ARHGAP6: variants seen among roughly 807,000 people sequenced by gnomAD.
ARHGAP6 encodes rho GTPase-activating protein 6.
Under a neutral mutation model 55.7 loss-of-function variants are expected in ARHGAP6, and 16 were observed. The observed-to-expected ratio is 0.29, with a 90% CI of 0.19 to 0.44. ARHGAP6 has a LOEUF of 0.44. Ranked by LOEUF, ARHGAP6 falls within the 20% of genes least tolerant of loss-of-function variation. The pLI, the probability that ARHGAP6 is intolerant of heterozygous loss-of-function variation, is 1.00. For synonymous variants in ARHGAP6, 382 were observed against 360.9 expected (o/e 1.06, Z -0.66); for missense variants, 698 against 808.9 (o/e 0.86, Z 1.66).
rs201875323 is a variant in ARHGAP6 at position 11,411,183 on chromosome X, T to TTATATATATATATATATA, written c.589-156494_589-156477dup. Among the ~76,000 whole-genome samples, 102 of 31,767 alleles carry TTATATATATATATATATA rather than the reference T, an allele frequency of 3.2e-3. 4 individuals are homozygous for TTATATATATATATATATA. The highest frequency in any genetic ancestry group is 4.7e-3 in the South Asian group (2 of 426). 27.6% of individuals were successfully genotyped at this position (31,767 alleles called of 115,157 possible). Reference sequence around the variant, plus strand: ...GGCCTGTGTCACTGGCAGACATTATTTATATATATATATATATATATATAT... The same window carrying TTATATATATATATATATA: ...GGCCTGTGTCACTGGCAGACATTATTTATATATATATATATATATATATATATATATATATATATATAT... On this transcript the variant is annotated intron_variant, in intron 1 of 12. Transcript: ENST00000337414.
chrX:11,241,078 CAA>C (rs59066875), intron 2 of ARHGAP6, among the ~76,000 whole-genome samples: 265 of 52,857 alleles, frequency 5.0e-3, no homozygotes, highest in African/African-American at 0.011. Flanking sequence ...GCCTGGGCGA[CAA>C]AAAAAAAAAA....
At chrX:11,606,256 T>C (rs754524438) in intron 1 of ARHGAP6, among the ~76,000 whole-genome samples, 9 of 112,096 alleles carry the variant, frequency 8.0e-5, no homozygotes, top group Non-Finnish European at 1.5e-4. Flanking sequence ...ACCCAAGTTA[T>C]ACAAATGAAC....
intron 1 of ARHGAP6, among the ~76,000 whole-genome samples, chrX:11,611,488 T>C (rs1209733351): frequency 1.8e-5 from 2 of 111,942 alleles, no homozygotes; most frequent in Non-Finnish European, 3.8e-5. Flanking sequence ...AATAGGATTA[T>C]TTCCATTAGG....
intron 1 of ARHGAP6, among the ~76,000 whole-genome samples, chrX:11,547,958 G>C (rs1489360103): frequency 1.8e-5 from 2 of 111,092 alleles, no homozygotes; most frequent in Non-Finnish European, 3.8e-5. Flanking sequence ...CACTTTCTGG[G>C]ACTCTATGGA....
At chrX:11,602,852 C>T (rs1375075210) in intron 1 of ARHGAP6, among the ~76,000 whole-genome samples, 1 of 112,436 alleles carries the variant, frequency 8.9e-6, no homozygotes, top group Non-Finnish European at 1.9e-5. Flanking sequence ...CACTTACATG[C>T]AAGCATTAGC....
In ARHGAP6 at chrX:11,174,569, C is replaced by CTTTTT. The variant is rs1569241149; in HGVS notation, c.1629+3530_1629+3531insAAAAA. Among the ~76,000 whole-genome samples the CTTTTT allele has an allele frequency of 1.8e-3, 109 of 59,096 alleles. 2 individuals carry two copies. Among genetic ancestry groups the CTTTTT allele is most frequent in the African/African-American group, 5.8e-3 (69 of 11,805 alleles). 51.3% of individuals were successfully genotyped at this position (59,096 alleles called of 115,157 possible). On this transcript the variant is annotated intron_variant, in intron 8 of 12. Transcript: ENST00000337414. Reference sequence around the variant, plus strand: ...TCCTTCCTTCCTTCCTTCCTTCCTTCCTTCCTTTCTTTCTTTCTTTCTTTT... The same window carrying CTTTTT: ...TCCTTCCTTCCTTCCTTCCTTCCTTCTTTTTCTTCCTTTCTTTCTTTCTTTCTTTT...
intron 8 of ARHGAP6, among the ~76,000 whole-genome samples, chrX:11,174,570 CTTCCTTTCTTTCTTTCTTTCTT>C (rs2046150673): frequency 3.1e-5 from 2 of 65,430 alleles, no homozygotes; most frequent in Non-Finnish European, 5.7e-5. Flanking sequence ...TCCTTCCTTC[CTTCCTTTCTTTCTTTCTTTCTT>C]TTTCTTTCTT....
rs2052067886 is a variant in ARHGAP6, at chrX:11,608,832, T to A, written c.588+55409A>T. 2.7e-5 allele frequency among the ~76,000 whole-genome samples: 3 copies of A among 111,510 alleles called. No individual in the cohort carries two copies. In the Admixed American group the frequency reaches 2.8e-4, roughly 11 times the overall value. On this transcript the variant is annotated intron_variant, in intron 1 of 12. Transcript: ENST00000337414. The stretch of plus-strand genomic sequence containing the variant: ...AGTGCCTTTCACTTCCCACCATGAT[T>A]CTGAGGCCTCCCCAGCCATGTGGAA...
chrX:11,629,970 C>T (rs1052271561), intron 1 of ARHGAP6, among the ~76,000 whole-genome samples: 1 of 110,869 alleles, frequency 9.0e-6, no homozygotes, highest in Non-Finnish European at 1.9e-5. Flanking sequence ...TCAAGTCTCA[C>T]CAGCAAAGTC....
intron 10 of ARHGAP6, among the ~76,000 whole-genome samples, chrX:11,150,372 C>T (rs1056329900): frequency 1.8e-5 from 2 of 110,750 alleles, no homozygotes; most frequent in African/African-American, 3.3e-5. Flanking sequence ...CTTAGGGGCC[C>T]GAGATGCCTC....
intron 1 of ARHGAP6, among the ~76,000 whole-genome samples, chrX:11,437,541 G>A (rs2049998947): frequency 8.9e-6 from 1 of 112,224 alleles, no homozygotes; most frequent in South Asian, 3.7e-4. Flanking sequence ...ACTGGTAAGG[G>A]GTGAGCATAA....
chrX:11,623,678 C>T (rs1343017566), intron 1 of ARHGAP6, among the ~76,000 whole-genome samples: 2 of 85,631 alleles, frequency 2.3e-5, no homozygotes, highest in South Asian at 6.3e-4. Context: ...GCCTGGGCGA[C>T]GGAGTGAGAC....
At chrX:11,358,431 A>ATCTTTCTTTCTTTCTTTCTTTCTT (rs546950014) in intron 1 of ARHGAP6, among the ~76,000 whole-genome samples, 90 of 72,493 alleles carry the variant, frequency 1.2e-3, no homozygotes, top group Middle Eastern at 7.9e-3. Context: ...TTTTAACTGT[A>ATCTTTCTTTCTTTCTTTCTTTCTT]TCTTTCTTTC....
At chrX:11,609,428 A>G (rs2052076273) in intron 1 of ARHGAP6, among the ~76,000 whole-genome samples, 2 of 111,770 alleles carry the variant, frequency 1.8e-5, no homozygotes, top group Non-Finnish European at 3.8e-5. Flanking sequence ...GCATTTTTCT[A>G]CTTACTTCTG....
rs146211458 is a variant in ARHGAP6, at chrX:11,661,581, A to G, written c.588+2660T>C. On this transcript the variant is annotated intron_variant, in intron 1 of 12. Coordinates refer to ENST00000337414, the MANE Select transcript of ARHGAP6 (RefSeq NM_013427.3). Reference sequence around the variant, plus strand: ...AAGATTCTGAAAGAACAAAGTGGGAAATGGATGAGATCCATCAATGGCTAA... The same window carrying G: ...AAGATTCTGAAAGAACAAAGTGGGAGATGGATGAGATCCATCAATGGCTAA... 7.5e-3 allele frequency among the ~76,000 whole-genome samples: 840 copies of G among 112,673 alleles called. 9 individuals carry two copies. The highest frequency in any genetic ancestry group is 0.026 in the African/African-American group (798 of 31,051).
chrX:11,328,411 G>A (rs1002053525), intron 1 of ARHGAP6, among the ~76,000 whole-genome samples: 6 of 111,855 alleles, frequency 5.4e-5, no homozygotes, highest in East Asian at 2.8e-4. Flanking sequence ...ATTTGGGAGC[G>A]AGTTACCTAC....
At chrX:11,624,767 G>C (rs191200400) in intron 1 of ARHGAP6, among the ~76,000 whole-genome samples, 191 of 111,119 alleles carry the variant, frequency 1.7e-3, no homozygotes, top group Non-Finnish European at 1.2e-3. Context: ...TAGCCAGGAT[G>C]GTCTCGATCT....
intron 1 of ARHGAP6, among the ~76,000 whole-genome samples, chrX:11,657,744 AGG>A (rs71952694): frequency 0.14 from 15,452 of 110,547 alleles, 1,002 homozygotes; most frequent in Middle Eastern, 0.25. Context: ...ATGAGACAAT[AGG>A]AGGGACAATG....
chrX:11,626,087 G>C (rs1424685390), intron 1 of ARHGAP6, among the ~76,000 whole-genome samples: 2 of 111,264 alleles, frequency 1.8e-5, no homozygotes, highest in Non-Finnish European at 3.8e-5. Flanking sequence ...TAGTAAAATG[G>C]CAACCTGTAA....
Sources: gnomAD v4.1 joint callset for allele counts (sites outside exome capture counted in the v4.1 genomes callset) on GRCh38, gnomAD v4.1.1 for gene constraint, MANE v1.5 for transcripts, NCBI Gene and HGNC (gene_info 2026-07-23, HGNC 2026-07-21) for gene names.